CDH4: variants seen among roughly 807,000 people sequenced by gnomAD.
CDH4 encodes cadherin-4.
In CDH4, 33 loss-of-function variants were observed where a neutral mutation model predicts 86.0. The observed-to-expected ratio is 0.38, with a 90% confidence interval of 0.29 to 0.51. The LOEUF is 0.51. Ranked by LOEUF, CDH4 falls within the 20% of genes least tolerant of loss-of-function variation. CDH4 has a pLI of 0.86. For missense variants in CDH4, 1,114 were observed against 1,307.4 expected (o/e 0.85, Z 2.28); for synonymous variants, 555 against 549.4 (o/e 1.01, Z -0.14).
At chr20:61,379,125 G>T (rs1249776813) in intron 2 of CDH4, among the ~76,000 whole-genome samples, 1 of 151,758 alleles carries the variant, frequency 6.6e-6, no homozygotes, top group Non-Finnish European at 1.5e-5. Flanking sequence ...ATGAAACTGG[G>T]CACGTGGCCT....
At position 61,562,267 on chromosome 20, in the gene CDH4, C is replaced by T. The variant is rs1221953890; in HGVS notation, c.170-181296C>T. 6.2e-5 allele frequency among the ~76,000 whole-genome samples: 5 copies of T among 80,712 alleles called. 1 individual carries two copies. The highest frequency in any genetic ancestry group is 1.2e-4 in the African/African-American group (2 of 16,448). 53.0% of individuals were successfully genotyped at this position (80,712 alleles called of 152,430 possible). A position where few individuals can be genotyped will look rare whatever the true frequency, so the allele number is the denominator to read the frequency against. ...GGGCTCCCGGAGAGAGAGGGACCTC[C>T]GTGTGGAGAGGTGGACCCCAGGGCT... On this transcript the variant is annotated intron_variant, in intron 2 of 15. Transcript: ENST00000614565.
At chr20:61,484,431 G>A (rs1039707545) in intron 2 of CDH4, among the ~76,000 whole-genome samples, 14 of 152,180 alleles carry the variant, frequency 9.2e-5, no homozygotes, top group African/African-American at 2.2e-4. Flanking sequence ...CACTGGGCAC[G>A]AGCTGCATCG....
At position 61,731,843 on chromosome 20, in the gene CDH4, G is replaced by A. The variant is rs375642781; in HGVS notation, c.170-11720G>A. Among the ~76,000 whole-genome samples the A allele has an allele frequency of 4.0e-4, 61 of 152,274 alleles. No individual in the cohort carries two copies. The South Asian group carries it at 0.011, about 26-fold the overall frequency. ...CCGACTGTCACCCCCACGAGGACTC[G>A]GGGGCTGCACAGCCTGGCGGGGATG... On this transcript the variant is annotated intron_variant, in intron 2 of 15. Coordinates refer to ENST00000614565, the MANE Select transcript of CDH4 (RefSeq NM_001794.5).
chr20:61,749,923 T>A (rs2088468664), intron 3 of CDH4, among the ~76,000 whole-genome samples: 1 of 152,122 alleles, frequency 6.6e-6, no homozygotes. Flanking sequence ...TAGCCAGGCA[T>A]GGTGGCACGC....
At chr20:61,314,514 G>A (rs867038565) in intron 2 of CDH4, among the ~76,000 whole-genome samples, 2 of 152,038 alleles carry the variant, frequency 1.3e-5, no homozygotes, top group Non-Finnish European at 1.5e-5. Context: ...TTGTCTGTTC[G>A]CCCACCAGTG....
intron 2 of CDH4, among the ~76,000 whole-genome samples, chr20:61,299,684 A>G (rs1379940339): frequency 6.6e-6 from 1 of 152,136 alleles, no homozygotes; most frequent in Non-Finnish European, 1.5e-5. Flanking sequence ...AGGACCCTGG[A>G]ACCCCATGCC....
intron 2 of CDH4, among the ~76,000 whole-genome samples, chr20:61,530,805 C>A (rs1470421199): frequency 6.6e-6 from 1 of 152,024 alleles, no homozygotes; most frequent in Non-Finnish European, 1.5e-5. Context: ...TCAGCCAGAT[C>A]CAGCATTAGA....
Position 61,706,807 on chromosome 20 carries a change from C to T in CDH4, c.170-36756C>T, listed in dbSNP as rs560833515. 3.3e-5 allele frequency among the ~76,000 whole-genome samples: 5 copies of T among 152,306 alleles called. No individual in the cohort carries two copies. The South Asian group carries it at 6.2e-4, about 19-fold the overall frequency. ...AGGACGTTCATGGTGAGGTTCCAAC[C>T]GGAATGAGTCATGTGACCGTCAGCA... is the stretch of plus-strand genomic sequence containing the variant. On this transcript the variant is annotated intron_variant, in intron 2 of 15. Transcript: ENST00000614565.
At chr20:61,385,465 C>A (rs10211803) in intron 2 of CDH4, among the ~76,000 whole-genome samples, 2 of 87,064 alleles carry the variant, frequency 2.3e-5, no homozygotes, top group African/African-American at 1.1e-4. Flanking sequence ...GCCCCCCGCC[C>A]CCTTGGATTG....
At chr20:61,743,446 A>G in intron 2 of CDH4, 117 bp from the exon 3 acceptor site, 1 of 744,596 alleles carries the variant, frequency 1.3e-6, no homozygotes, top group Non-Finnish European at 2.3e-6. Flanking sequence ...AATCAGTGCA[A>G]ACCTCATGCC....
intron 9 of CDH4, among the ~76,000 whole-genome samples, chr20:61,912,262 A>G (rs920617611): frequency 6.6e-6 from 1 of 152,192 alleles, no homozygotes; most frequent in Non-Finnish European, 1.5e-5. Flanking sequence ...TAACATAATT[A>G]TGGAAACATA....
At chr20:61,748,008 T>C (rs2088439512) in intron 3 of CDH4, among the ~76,000 whole-genome samples, 1 of 151,624 alleles carries the variant, frequency 6.6e-6, no homozygotes, top group Admixed American at 6.6e-5. Context: ...AAAGAGGAAA[T>C]CTCAAAAGCA....
intron 2 of CDH4, among the ~76,000 whole-genome samples, chr20:61,440,931 C>T (rs1270129986): frequency 6.6e-6 from 1 of 152,204 alleles, no homozygotes; most frequent in African/African-American, 2.4e-5. Context: ...GTCAGCAAAT[C>T]GGCAGGCAGA....
At chr20:61,630,615 T>G (rs891038674) in intron 2 of CDH4, among the ~76,000 whole-genome samples, 1 of 152,158 alleles carries the variant, frequency 6.6e-6, no homozygotes, top group African/African-American at 2.4e-5. Context: ...GGGGAAGAAG[T>G]CACATTTGGT....
At chr20:61,331,014 T>C (rs1252437828) in intron 2 of CDH4, among the ~76,000 whole-genome samples, 2 of 152,118 alleles carry the variant, frequency 1.3e-5, no homozygotes, top group African/African-American at 4.8e-5. Context: ...TTTTGGTGGA[T>C]GTCATCGAAT....
At chr20:61,310,150 C>T (rs1414703399) in intron 2 of CDH4, among the ~76,000 whole-genome samples, 1 of 152,178 alleles carries the variant, frequency 6.6e-6, no homozygotes, top group African/African-American at 2.4e-5. Flanking sequence ...GGAACCAGCC[C>T]AGAGCCAGCT....
intron 2 of CDH4, among the ~76,000 whole-genome samples, chr20:61,292,393 T>C (rs1182187898): frequency 6.6e-6 from 1 of 152,212 alleles, no homozygotes; most frequent in Non-Finnish European, 1.5e-5. Flanking sequence ...CCTTTTTGAG[T>C]GGGCACTGCT....
intron 9 of CDH4, among the ~76,000 whole-genome samples, chr20:61,921,269 G>A (rs953215735): frequency 7.3e-5 from 11 of 150,564 alleles, no homozygotes; most frequent in East Asian, 2.0e-4. Context: ...GCGTGGAAGC[G>A]TGGTGTCACA....
At chr20:61,272,064 C>T (rs896665807) in intron 2 of CDH4, among the ~76,000 whole-genome samples, 1 of 152,164 alleles carries the variant, frequency 6.6e-6, no homozygotes, top group Non-Finnish European at 1.5e-5. Context: ...TCATTAATGG[C>T]TTTTCCTCCT....
Sources: allele counts gnomAD v4.1 joint callset (sites outside exome capture counted in the v4.1 genomes callset), GRCh38; gene constraint gnomAD v4.1.1; transcripts MANE v1.5; gene names NCBI Gene and HGNC (gene_info 2026-07-23, HGNC 2026-07-21).